The following PCDHGB3 variants were observed in gnomAD, a reference collection of about 807,000 sequenced individuals.
PCDHGB3 encodes the protein protocadherin gamma-B3.
PCDHGB3 carries 40 observed loss-of-function variants against 59.2 expected under a neutral mutation model. The ratio of observed to expected loss-of-function variants is 0.68; its 90% CI spans 0.52 to 0.88. PCDHGB3 has a LOEUF of 0.88. Among genes scored for constraint, PCDHGB3 ranks in the 40% least tolerant of loss-of-function variants. The probability of loss-of-function intolerance (pLI) is 0.00; values close to 1 mark genes in which losing one functional copy is unlikely to be tolerated. For synonymous variants in PCDHGB3, 581 were observed against 503.6 expected, an observed-to-expected ratio of 1.15 and a Z score of -2.06; for missense variants, 1,309 against 1,187.9, an observed-to-expected ratio of 1.10 and a Z score of -1.50.
intron 1 of PCDHGB3, chr5:141,403,638 A>T (rs373036061): frequency 1.9e-6 from 3 of 1,613,906 alleles, no homozygotes; most frequent in Non-Finnish European, 2.5e-6. Flanking sequence ...GTGCGCATCC[A>T]TGTGACAGTG....
intron 1 of PCDHGB3, chr5:141,409,496 C>CT (rs1276498782): frequency 6.2e-7 from 1 of 1,614,044 alleles, no homozygotes; most frequent in South Asian, 1.1e-5. Context: ...CAAGCCGCCT[C>CT]TTTCTTCCAG....
intron 1 of PCDHGB3, chr5:141,419,836 G>A (rs756561978): frequency 1.9e-6 from 3 of 1,613,958 alleles, no homozygotes. Context: ...CCACTGCCAC[G>A]CTGCACCTGG....
chr5:141,443,223 A>G (rs2098374731), intron 1 of PCDHGB3, among the ~76,000 whole-genome samples: 1 of 152,044 alleles, frequency 6.6e-6, no homozygotes, highest in African/African-American at 2.4e-5. Flanking sequence ...AGGCGCATCT[A>G]TAATCTTAGC....
At chr5:141,385,295 A>C (rs1422997974) in intron 1 of PCDHGB3, 1 of 1,613,146 alleles carries the variant, frequency 6.2e-7, no homozygotes, top group African/African-American at 1.3e-5. Context: ...GATTTTCAGG[A>C]ATGTAAAGAA....
chr5:141,478,049 A>G, intron 1 of PCDHGB3: 2 of 1,614,056 alleles, frequency 1.2e-6, no homozygotes, highest in Middle Eastern at 3.3e-4. Flanking sequence ...GCAGACTCTC[A>G]CGGTCTTGAT....
chr5:141,383,612 A>C (rs1387363746), intron 1 of PCDHGB3: 1 of 1,613,690 alleles, frequency 6.2e-7, no homozygotes, highest in East Asian at 2.2e-5. Flanking sequence ...GTGAATGACC[A>C]CACGCCTGTC....
At position 141,489,125 on chromosome 5, in the gene PCDHGB3, G is replaced by T. The variant is rs537146985; in HGVS notation, c.2416-5682G>T. 1.1e-4 allele frequency: 77 copies of T among 728,124 alleles called. No individual in the cohort carries two copies. The East Asian group carries it at 1.9e-3, about 18-fold the overall frequency. 45.1% of individuals were successfully genotyped at this position (728,124 alleles called of 1,614,324 possible). A position where few individuals can be genotyped will look rare whatever the true frequency, so the allele number is the denominator to read the frequency against. ...CTGCAAGCAGGCAAACCTCCGAGCAGTTTTTAAGAGGCTGGAAGGAGACAT... is the reference window on the plus strand; with the variant it reads ...CTGCAAGCAGGCAAACCTCCGAGCATTTTTTAAGAGGCTGGAAGGAGACAT... On this transcript the variant is annotated intron_variant, in intron 1 of 3. Coordinates refer to ENST00000576222, the MANE Select transcript of PCDHGB3 (RefSeq NM_018924.5). The surrounding 1 kb of genome is among the most constrained non-coding windows in gnomAD (Gnocchi z 4.5).
At position 141,495,009 on chromosome 5, in the gene PCDHGB3, G is replaced by A; in HGVS notation, c.2474+144G>A. 6 of 1,518,622 alleles carry A rather than the reference G, an allele frequency of 4.0e-6. No homozygotes were observed. The South Asian group carries it at 6.2e-5, about 16-fold the overall frequency. The allele number at this position is 1,518,622 out of a possible 1,614,324, so 94.1% of individuals were successfully genotyped here. ...TCCCAGGGAGGTCTTGGTGTGCGGG[G>A]GGCTGGCACACAGACCCCGGAAGGA... is the stretch of plus-strand genomic sequence containing the variant. On this transcript the variant is annotated intron_variant, in intron 2 of 3. Coordinates refer to ENST00000576222, the MANE Select transcript of PCDHGB3 (RefSeq NM_018924.5).
In PCDHGB3 at chr5:141,393,943, G is replaced by A. The variant is rs186465469; in HGVS notation, c.2415+21134G>A. Reference sequence around the variant, plus strand: ...TTGAGTGTGCATGACCAAGACTCTGGAAAGAATGGTCAAGTTGTCTGTTAC... The same window carrying A: ...TTGAGTGTGCATGACCAAGACTCTGAAAAGAATGGTCAAGTTGTCTGTTAC... On this transcript the variant is annotated intron_variant, in intron 1 of 3. Transcript: ENST00000576222. 1.6e-5 allele frequency: 26 copies of A among 1,613,936 alleles called. No homozygotes were observed. The East Asian group carries it at 3.1e-4, about 19-fold the overall frequency.
chr5:141,422,655 C>T (rs188587553), intron 1 of PCDHGB3: 2 of 1,610,120 alleles, frequency 1.2e-6, no homozygotes, highest in Admixed American at 3.3e-5. Flanking sequence ...TCTCAGTGAC[C>T]GCCCTCGACC....
At chr5:141,398,496 C>G (rs1435117425) in intron 1 of PCDHGB3, 2 of 1,608,668 alleles carry the variant, frequency 1.2e-6, no homozygotes, top group Admixed American at 1.7e-5. Context: ...ATGTGGAGAT[C>G]GAGGACATTA....
At chr5:141,421,436 G>C (rs373015809) in intron 1 of PCDHGB3, 6 of 1,613,994 alleles carry the variant, frequency 3.7e-6, no homozygotes, top group African/African-American at 2.7e-5. Context: ...ATCGTCTCCA[G>C]AGGGAAGACA....
At chr5:141,382,896 G>T (rs754850386) in intron 1 of PCDHGB3, 1 of 1,537,674 alleles carries the variant, frequency 6.5e-7, no homozygotes, top group Admixed American at 2.1e-5. Context: ...GAAGCAGGAC[G>T]ACTATGGCGG....
Position 141,423,433 on chromosome 5 carries a change from A to G in PCDHGB3, c.2415+50624A>G, listed in dbSNP as rs746170494. ...GGCTTCTGAAGGCGGGTTGGCAGGT[A>G]TGCCCACGTCACATTTTGTAGGCGT... On this transcript the variant is annotated intron_variant, in intron 1 of 3. Coordinates refer to ENST00000576222, the MANE Select transcript of PCDHGB3 (RefSeq NM_018924.5). 3.1e-6 allele frequency: 5 copies of G among 1,614,010 alleles called. No homozygotes were observed. The East Asian group carries it at 8.9e-5, about 29-fold the overall frequency.
intron 2 of PCDHGB3, among the ~76,000 whole-genome samples, chr5:141,499,326 C>T (rs1465474737): frequency 6.6e-6 from 1 of 152,156 alleles, no homozygotes. Context: ...TATCCCTGCT[C>T]TCTCTCAGTT....
chr5:141,428,797 G>A (rs2097161930), intron 1 of PCDHGB3: 1 of 152,310 alleles, frequency 6.6e-6, no homozygotes, highest in Admixed American at 6.5e-5. Context: ...TTCTGTGTGG[G>A]CCAGTAACTT....
chr5:141,489,364 G>A lies in PCDHGB3; in HGVS notation c.2416-5443G>A, dbSNP rs2099686163. On this transcript the variant is annotated intron_variant, in intron 1 of 3. Coordinates refer to ENST00000576222, the MANE Select transcript of PCDHGB3 (RefSeq NM_018924.5). The surrounding 1 kb of genome is among the most constrained non-coding windows in gnomAD (Gnocchi z 4.5). The stretch of plus-strand genomic sequence containing the variant: ...CTCAGTGGTGGAGGAGTCTGAGCCG[G>A]GGACGCTGGTGGGGAATGTTGCTCA... 1 of 1,613,450 alleles carries A rather than the reference G, an allele frequency of 6.2e-7. No homozygotes were observed. The highest frequency in any genetic ancestry group is 1.1e-5 in the South Asian group (1 of 91,042).
At chr5:141,383,111 GGAC>G in intron 1 of PCDHGB3, 1 of 1,614,040 alleles carries the variant, frequency 6.2e-7, no homozygotes, top group South Asian at 1.1e-5. Context: ...TCCAGAGGTA[GGAC>G]GCAGCTTTTC....
At chr5:141,399,795 G>C in intron 1 of PCDHGB3, 2 of 1,613,204 alleles carry the variant, frequency 1.2e-6, no homozygotes, top group Non-Finnish European at 1.7e-6. Context: ...ACAACGCACC[G>C]CGGGTGCTGT....
Sources: allele counts gnomAD v4.1 joint callset (sites outside exome capture counted in the v4.1 genomes callset), GRCh38; gene constraint gnomAD v4.1.1; non-coding constraint Gnocchi (gnomAD v3.1); transcripts MANE v1.5; gene names NCBI Gene and HGNC (gene_info 2026-07-23, HGNC 2026-07-21).